Variants in MEF2A observed in about 807,000 individuals in gnomAD.
MEF2A encodes myocyte-specific enhancer factor 2A.
In MEF2A, 28 loss-of-function variants were observed where a neutral mutation model predicts 55.8. The ratio of observed to expected loss-of-function variants is 0.50; its 90% CI spans 0.37 to 0.69. The LOEUF is 0.69. MEF2A is among the 30% of genes least tolerant of loss of function. MEF2A has a pLI of 0.00. For synonymous variants in MEF2A, 239 were observed against 227.1 expected (o/e 1.05, Z -0.47); for missense variants, 528 against 626.2 (o/e 0.84, Z 1.67).
intron 2 of MEF2A, among the ~76,000 whole-genome samples, chr15:99,607,809 C>T (rs545862067): frequency 3.3e-5 from 5 of 152,246 alleles, no homozygotes; most frequent in African/African-American, 1.2e-4. Context: ...GATGAAAGAG[C>T]ATGGATGGAG....
At chr15:99,672,850 G>C (rs2051143483) in intron 5 of MEF2A, among the ~76,000 whole-genome samples, 1 of 152,198 alleles carries the variant, frequency 6.6e-6, no homozygotes, top group Non-Finnish European at 1.5e-5. Flanking sequence ...CATGAAACAA[G>C]GTTTGTGTAC....
intron 3 of MEF2A, among the ~76,000 whole-genome samples, chr15:99,640,559 C>CT (rs561916381): frequency 0.02 from 2,688 of 133,860 alleles, 52 homozygotes; most frequent in African/African-American, 0.058. Flanking sequence ...TCTTTCTTTT[C>CT]TTTTTTTTTT....
chr15:99,695,859 CAA>C (rs55908002), intron 8 of MEF2A, among the ~76,000 whole-genome samples: 92,809 of 135,158 alleles, frequency 0.69, 32,692 homozygotes, highest in Middle Eastern at 0.86. Flanking sequence ...AACTCCGTCT[CAA>C]AAAAAAAAAA....
At chr15:99,642,843 A>G (rs2045274468) in intron 3 of MEF2A, among the ~76,000 whole-genome samples, 1 of 152,166 alleles carries the variant, frequency 6.6e-6, no homozygotes, top group Non-Finnish European at 1.5e-5. Flanking sequence ...ATTTTCTTCT[A>G]AATTTCACCA....
intron 10 of MEF2A, among the ~76,000 whole-genome samples, chr15:99,709,799 T>C (rs1719308520): frequency 6.6e-6 from 1 of 152,222 alleles, no homozygotes; most frequent in African/African-American, 2.4e-5. Context: ...TGATATGAGC[T>C]GGGTATACTC....
At chr15:99,697,940 G>C (rs1056706430) in intron 8 of MEF2A, among the ~76,000 whole-genome samples, 1 of 152,178 alleles carries the variant, frequency 6.6e-6, no homozygotes, top group African/African-American at 2.4e-5. Flanking sequence ...ATTCAGCTGG[G>C]TTTTTGGCAG....
At chr15:99,703,001 TAC>T (rs779719620) in intron 8 of MEF2A, among the ~76,000 whole-genome samples, 13 of 152,162 alleles carry the variant, frequency 8.5e-5, no homozygotes, top group Non-Finnish European at 1.5e-4. Context: ...GAGTTACAAG[TAC>T]AGAGTTGATA....
intron 2 of MEF2A, among the ~76,000 whole-genome samples, chr15:99,632,062 A>G (rs2043031722): frequency 6.6e-6 from 1 of 152,232 alleles, no homozygotes; most frequent in South Asian, 2.1e-4. Flanking sequence ...GGTTTTTAAA[A>G]TGACACAGCC....
At chr15:99,696,631 A>G (rs1389083632) in intron 8 of MEF2A, among the ~76,000 whole-genome samples, 5 of 151,972 alleles carry the variant, frequency 3.3e-5, no homozygotes, top group East Asian at 3.9e-4. Flanking sequence ...ACAAATGCCT[A>G]TATTTGAAAA....
chr15:99,620,655 T>C (rs2040996160), intron 2 of MEF2A, among the ~76,000 whole-genome samples: 1 of 152,194 alleles, frequency 6.6e-6, no homozygotes, highest in Non-Finnish European at 1.5e-5. Context: ...AACGTACATG[T>C]GTCTTTTTGG....
At chr15:99,570,468 T>C (rs1417415454) in intron 1 of MEF2A, among the ~76,000 whole-genome samples, 3 of 152,156 alleles carry the variant, frequency 2.0e-5, no homozygotes, top group Non-Finnish European at 4.4e-5. Context: ...ATTATTAAAA[T>C]TATATGCTTG....
intron 1 of MEF2A, among the ~76,000 whole-genome samples, chr15:99,578,277 A>G (rs1453754952): frequency 2.6e-5 from 4 of 152,176 alleles, no homozygotes; most frequent in Non-Finnish European, 5.9e-5. Context: ...ATTCATTTAT[A>G]TCAGTATGGA....
At chr15:99,673,501 T>A (rs141500870) in intron 5 of MEF2A, among the ~76,000 whole-genome samples, 201 of 152,338 alleles carry the variant, frequency 1.3e-3, no homozygotes, top group Non-Finnish European at 2.1e-3. Context: ...CAGTGTTACC[T>A]TATTTTTGTA....
At chr15:99,566,341 TAGGGTGCTGGGAGGCGGCG>T (rs1959338286) in intron 1 of MEF2A, 1 of 121,860 alleles carries the variant, frequency 8.2e-6, no homozygotes, top group African/African-American at 3.2e-5. Context: ...GGGAGGCGGG[TAGGGTGCTGGGAGGCGGCG>T]AGGGGTGGTC....
intron 1 of MEF2A, among the ~76,000 whole-genome samples, chr15:99,579,797 T>G (rs1323676215): frequency 6.6e-6 from 1 of 152,240 alleles, no homozygotes; most frequent in Non-Finnish European, 1.5e-5. Context: ...GATTTTCATT[T>G]GTTTCAATGG....
intron 9 of MEF2A, 24 bp downstream of exon 9, chr15:99,703,409 G>C: frequency 1.3e-6 from 2 of 1,588,950 alleles, no homozygotes; most frequent in Non-Finnish European, 1.7e-6. Flanking sequence ...TCTGCTTGAA[G>C]GAAGTTGAAA....
rs186778131 is a variant in MEF2A at position 99,634,790 on chromosome 15, G to A, written c.54+1617G>A. Among the ~76,000 whole-genome samples, 6 of 152,342 alleles carry A rather than the reference G, an allele frequency of 3.9e-5. No homozygotes were observed. The East Asian group carries it at 1.2e-3, about 29-fold the overall frequency. On this transcript the variant is annotated intron_variant, in intron 3 of 11. Coordinates refer to ENST00000557942, the MANE Select transcript of MEF2A (RefSeq NM_001319206.4). Reference sequence around the variant, plus strand: ...TGTTCTTACGTTGGACTTAGCTGCTGTGTCAGCTTCTTGCCTAGCTGCCAA... The same window carrying A: ...TGTTCTTACGTTGGACTTAGCTGCTATGTCAGCTTCTTGCCTAGCTGCCAA...
intron 3 of MEF2A, among the ~76,000 whole-genome samples, chr15:99,642,494 AT>A (rs1453025874): frequency 6.6e-6 from 1 of 150,800 alleles, no homozygotes; most frequent in Non-Finnish European, 1.5e-5. Flanking sequence ...TGATTCTTTG[AT>A]TTTCATTATT....
intron 4 of MEF2A, 139 bp from the exon 5 acceptor site, chr15:99,671,184 A>G: frequency 2.6e-6 from 2 of 780,382 alleles, no homozygotes; most frequent in South Asian, 5.0e-5. Context: ...AAGTAAGTAC[A>G]TTTGTGATCA....
Sources: allele counts gnomAD v4.1 joint callset (sites outside exome capture counted in the v4.1 genomes callset), GRCh38; gene constraint gnomAD v4.1.1; transcripts MANE v1.5; gene names NCBI Gene and HGNC (gene_info 2026-07-23, HGNC 2026-07-21).